Variants in LTBP1 observed in about 807,000 individuals in gnomAD.
LTBP1 encodes latent-transforming growth factor beta-binding protein 1.
LTBP1 carries 129 observed loss-of-function variants against 207.6 expected under a neutral mutation model. The observed-to-expected ratio is 0.62, with a 90% CI of 0.54 to 0.72. The LOEUF is 0.72. Ranked by LOEUF, LTBP1 falls within the 30% of genes least tolerant of loss-of-function variation. The pLI is 0.00. For missense variants in LTBP1, 2,281 were observed against 2,217.2 expected (o/e 1.03, Z -0.58); for synonymous variants, 963 against 833.7 (o/e 1.16, Z -2.67).
At chr2:33,175,104 C>G (rs1407929123) in intron 5 of LTBP1, among the ~76,000 whole-genome samples, 1 of 151,998 alleles carries the variant, frequency 6.6e-6, no homozygotes, top group Non-Finnish European at 1.5e-5. Context: ...TGGGCAAGGA[C>G]TTCATGTCTA....
intron 2 of LTBP1, among the ~76,000 whole-genome samples, chr2:33,005,346 GGCT>G (rs1401282964): frequency 6.6e-6 from 1 of 152,166 alleles, no homozygotes; most frequent in Non-Finnish European, 1.5e-5. Flanking sequence ...AGGTGGCACT[GGCT>G]GCTAGTTGGG....
intron 7 of LTBP1, among the ~76,000 whole-genome samples, chr2:33,192,060 C>G (rs2087952058): frequency 1.3e-5 from 2 of 152,182 alleles, no homozygotes; most frequent in South Asian, 4.2e-4. Flanking sequence ...ACCAAGCTCA[C>G]AGAGCAGAAA....
At chr2:32,984,644 A>G (rs1287557885) in intron 2 of LTBP1, among the ~76,000 whole-genome samples, 1 of 152,158 alleles carries the variant, frequency 6.6e-6, no homozygotes, top group Non-Finnish European at 1.5e-5. Context: ...ATTCTGGGCC[A>G]GGCGCGGTGG....
intron 9 of LTBP1, among the ~76,000 whole-genome samples, chr2:33,237,403 C>T (rs897357242): frequency 6.6e-6 from 1 of 152,116 alleles, no homozygotes; most frequent in East Asian, 1.9e-4. Context: ...TAAAATTGCT[C>T]TAGAACATTG....
chr2:33,331,813 G>C (rs1050612248), intron 24 of LTBP1, among the ~76,000 whole-genome samples: 1 of 151,924 alleles, frequency 6.6e-6, no homozygotes. Flanking sequence ...AAGAAAACTC[G>C]GCTAGATTAA....
chr2:33,083,369 C>T (rs1328179603), intron 3 of LTBP1, among the ~76,000 whole-genome samples: 1 of 152,046 alleles, frequency 6.6e-6, no homozygotes, highest in Non-Finnish European at 1.5e-5. Context: ...ATGTGTCCTC[C>T]ACAGGATGGA....
At chr2:33,052,944 G>A (rs1180956915) in intron 3 of LTBP1, among the ~76,000 whole-genome samples, 3 of 150,876 alleles carry the variant, frequency 2.0e-5, no homozygotes, top group South Asian at 2.1e-4. Flanking sequence ...GTGTGATCTC[G>A]GCTCACTGCA....
chr2:33,109,723 T>G (rs1170374546), intron 3 of LTBP1, among the ~76,000 whole-genome samples: 1 of 152,206 alleles, frequency 6.6e-6, no homozygotes, highest in Non-Finnish European at 1.5e-5. Flanking sequence ...GCATAAAAAA[T>G]TGTTTCCCTA....
intron 2 of LTBP1, among the ~76,000 whole-genome samples, chr2:32,955,309 ACATGC>A: frequency 6.6e-6 from 1 of 152,378 alleles, no homozygotes; most frequent in East Asian, 1.9e-4. Flanking sequence ...AGATTGCTGC[ACATGC>A]AGTTTTTACA....
chr2:33,161,262 CTT>C (rs531382337), intron 5 of LTBP1, among the ~76,000 whole-genome samples: 17 of 135,354 alleles, frequency 1.3e-4, no homozygotes, highest in East Asian at 2.1e-4. Flanking sequence ...TTTTTTTTTC[CTT>C]TTTTTTTTTT....
intron 13 of LTBP1, among the ~76,000 whole-genome samples, chr2:33,261,741 A>G (rs892791654): frequency 6.6e-6 from 1 of 152,206 alleles, no homozygotes; most frequent in South Asian, 2.1e-4. Context: ...TATCTGTGGG[A>G]TATCTAAATG....
intron 24 of LTBP1, among the ~76,000 whole-genome samples, chr2:33,316,814 C>T (rs1345986081): frequency 1.3e-5 from 2 of 152,108 alleles, no homozygotes; most frequent in Non-Finnish European, 2.9e-5. Context: ...CAAGCCCATC[C>T]GAGTCACTGA....
intron 2 of LTBP1, among the ~76,000 whole-genome samples, chr2:33,015,800 T>C (rs1439078028): frequency 2.0e-5 from 3 of 152,106 alleles, no homozygotes; most frequent in Admixed American, 6.5e-5. Context: ...AATCATGGCA[T>C]GAGGCAAATG....
chr2:33,377,829 T>TA (rs2095160227), intron 31 of LTBP1, among the ~76,000 whole-genome samples: 1 of 152,150 alleles, frequency 6.6e-6, no homozygotes, highest in South Asian at 2.1e-4. Context: ...AGACACTTCT[T>TA]ACCTGGCGAC....
intron 19 of LTBP1, among the ~76,000 whole-genome samples, chr2:33,288,131 G>A (rs540896958): frequency 2.5e-4 from 38 of 152,242 alleles, no homozygotes; most frequent in African/African-American, 9.1e-4. Flanking sequence ...ATTGAATTTG[G>A]ATAGCCTTAG....
At chr2:33,196,184 T>C (rs1021625644) in intron 7 of LTBP1, among the ~76,000 whole-genome samples, 2 of 152,128 alleles carry the variant, frequency 1.3e-5, no homozygotes, top group Non-Finnish European at 2.9e-5. Context: ...ATCTGAGATA[T>C]TGCCCGTAGT....
At chr2:33,159,721 G>A (rs1008408246) in intron 5 of LTBP1, among the ~76,000 whole-genome samples, 2 of 152,168 alleles carry the variant, frequency 1.3e-5, no homozygotes, top group Middle Eastern at 3.4e-3. Context: ...GATTTGATTC[G>A]GAGCTGGAAG....
At chr2:33,144,807 A>G (rs1473646501) in intron 5 of LTBP1, among the ~76,000 whole-genome samples, 1 of 152,200 alleles carries the variant, frequency 6.6e-6, no homozygotes, top group Non-Finnish European at 1.5e-5. Context: ...TTAACTATCA[A>G]GAGGTGTGTA....
At chr2:33,363,845 A>G (rs909997758) in intron 29 of LTBP1, among the ~76,000 whole-genome samples, 6 of 152,222 alleles carry the variant, frequency 3.9e-5, no homozygotes, top group African/African-American at 1.4e-4. Flanking sequence ...AGCCATTTTA[A>G]ATACTGACCC....
Sources: allele counts gnomAD v4.1 joint callset (sites outside exome capture counted in the v4.1 genomes callset), GRCh38; gene constraint gnomAD v4.1.1; transcripts MANE v1.5; gene names NCBI Gene and HGNC (gene_info 2026-07-23, HGNC 2026-07-21).